Variants in DKK3 observed in about 807,000 individuals in gnomAD.
DKK3 encodes dickkopf-related protein 3.
DKK3 carries 22 observed loss-of-function variants against 33.2 expected under a neutral mutation model. The ratio of observed to expected loss-of-function variants is 0.66; its 90% CI spans 0.47 to 0.95. The LOEUF is 0.95. Ranked by LOEUF, DKK3 falls within the 40% of genes least tolerant of loss-of-function variation. DKK3 has a pLI of 0.00. For synonymous variants in DKK3, 194 were observed against 188.8 expected, an observed-to-expected ratio of 1.03 and a Z score of -0.23; for missense variants, 398 against 458.4, an observed-to-expected ratio of 0.87 and a Z score of 1.20.
chr11:11,987,361 T>C (rs12295349), intron 3 of DKK3, among the ~76,000 whole-genome samples: 44,672 of 152,124 alleles, frequency 0.29, 6,965 homozygotes, highest in African/African-American at 0.39. Flanking sequence ...AAAACTGAAC[T>C]GAACTGGAAA....
At chr11:12,001,027 G>A (rs1848415585) in intron 2 of DKK3, among the ~76,000 whole-genome samples, 1 of 152,176 alleles carries the variant, frequency 6.6e-6, no homozygotes, top group Non-Finnish European at 1.5e-5. Flanking sequence ...CAGTTAGTGA[G>A]AATCAGGACA....
intron 3 of DKK3, among the ~76,000 whole-genome samples, chr11:11,975,786 G>A (rs1254144199): frequency 6.6e-5 from 10 of 152,162 alleles, no homozygotes; most frequent in Non-Finnish European, 1.2e-4. Flanking sequence ...AGGCTCTGTC[G>A]CTGCACTTGC....
intron 6 of DKK3, 109 bp from the exon 7 acceptor site, chr11:11,964,795 C>T: frequency 6.6e-7 from 1 of 1,518,920 alleles, no homozygotes; most frequent in Admixed American, 2.0e-5. Flanking sequence ...CATGCCCCCT[C>T]CTCTCCTGTC....
intron 2 of DKK3, 73 bp downstream of exon 2, chr11:12,002,226 CA>C: frequency 6.8e-7 from 1 of 1,480,770 alleles, no homozygotes; most frequent in Non-Finnish European, 9.0e-7. Flanking sequence ...TATGAAAAAA[CA>C]AAAACAAAAA....
chr11:11,970,974 T>C (rs1167194116), intron 3 of DKK3, among the ~76,000 whole-genome samples: 1 of 152,148 alleles, frequency 6.6e-6, no homozygotes, highest in Non-Finnish European at 1.5e-5. Context: ...AAATATTCAA[T>C]GTTAGTTTCA....
At chr11:12,000,495 C>A (rs1848402254) in intron 2 of DKK3, among the ~76,000 whole-genome samples, 1 of 149,484 alleles carries the variant, frequency 6.7e-6, no homozygotes, top group South Asian at 2.1e-4. Context: ...GCATAAGCCA[C>A]CGTGCCTGGC....
At position 11,964,422 on chromosome 11, in the gene DKK3, T is replaced by G; in HGVS notation, c.*42A>C. 1 of 1,593,092 alleles carries G rather than the reference T, an allele frequency of 6.3e-7. No individual in the cohort carries two copies. The highest frequency in any genetic ancestry group is 8.5e-7 in the Non-Finnish European group (1 of 1,173,450). ...AAAGCACACACCTGGGGAAATAAAT[T>G]AGCTATTTCTATTGCACATCTACCC... On this transcript the variant is annotated 3_prime_UTR_variant, in exon 7 of 7. Transcript: ENST00000683431.
chr11:12,000,581 C>A (rs1229753207), intron 2 of DKK3, among the ~76,000 whole-genome samples: 2 of 151,710 alleles, frequency 1.3e-5, no homozygotes, highest in Non-Finnish European at 2.9e-5. Context: ...TCTCAGCTCA[C>A]TGCAACCTCT....
intron 2 of DKK3, among the ~76,000 whole-genome samples, chr11:11,999,371 G>T (rs1055031439): frequency 3.3e-5 from 5 of 152,166 alleles, no homozygotes; most frequent in Non-Finnish European, 7.3e-5. Flanking sequence ...GGCTCTTCCT[G>T]CCCCATGAAA....
intron 2 of DKK3, among the ~76,000 whole-genome samples, chr11:12,000,738 C>T (rs1282396149): frequency 2.0e-5 from 3 of 150,834 alleles, no homozygotes; most frequent in Non-Finnish European, 4.4e-5. Flanking sequence ...AGGCTGGTCT[C>T]GAACTCCTAA....
chr11:11,970,026 G>A (rs1347543631), intron 3 of DKK3, among the ~76,000 whole-genome samples: 2 of 152,184 alleles, frequency 1.3e-5, no homozygotes, highest in South Asian at 2.1e-4. Context: ...AATCACAGAC[G>A]CGCTTTGTCT....
chr11:11,981,313 A>G (rs1847949791), intron 3 of DKK3, among the ~76,000 whole-genome samples: 1 of 152,164 alleles, frequency 6.6e-6, no homozygotes, highest in Admixed American at 6.5e-5. Flanking sequence ...AACAGCCAGG[A>G]GCTTGGGTGA....
chr11:11,975,929 A>T (rs1847823726), intron 3 of DKK3, among the ~76,000 whole-genome samples: 1 of 152,188 alleles, frequency 6.6e-6, no homozygotes, highest in Non-Finnish European at 1.5e-5. Flanking sequence ...TCTTGGCCTA[A>T]TTACTGAGTC....
chr11:11,967,238 G>T, intron 4 of DKK3, 140 bp from the exon 5 acceptor site: 1 of 1,100,884 alleles, frequency 9.1e-7, no homozygotes, highest in Non-Finnish European at 1.3e-6. Flanking sequence ...AGATTTCAGT[G>T]AAAGTCAGTG....
At chr11:11,976,150 A>T (rs1263624663) in intron 3 of DKK3, among the ~76,000 whole-genome samples, 1 of 152,118 alleles carries the variant, frequency 6.6e-6, no homozygotes, top group Admixed American at 6.5e-5. Flanking sequence ...TAATGAATAC[A>T]TTTCTACTGA....
rs769361435 is a variant in DKK3, at chr11:12,008,514, G to A, written c.69C>T (p.Pro23=). 6.3e-7 allele frequency: 1 copy of A among 1,581,264 alleles called. No homozygotes were observed. Among genetic ancestry groups the A allele is most frequent in the South Asian group, 1.1e-5 (1 of 88,652 alleles). ...CTGGAGCCGAGGTCGCCGTCGGAGCGGGCGCGGGGGCCGTGGGGACCGCCG... is the reference window on the plus strand; with the variant it reads ...CTGGAGCCGAGGTCGCCGTCGGAGCAGGCGCGGGGGCCGTGGGGACCGCCG... ...LAAAVPTAPA[P]APTATSAPVK... The change falls in exon 1 of 7, where the codon CCC becomes CCT. Residue 23 remains proline, a synonymous_variant. Transcript: ENST00000683431. This position sits in a 1 kb window ranked among gnomAD's most constrained non-coding sequence, Gnocchi z 4.6.
intron 3 of DKK3, chr11:11,980,031 C>G (rs1272331735): frequency 6.6e-6 from 1 of 152,306 alleles, no homozygotes; most frequent in Non-Finnish European, 1.5e-5. Context: ...AGAGGGAGGC[C>G]TGGAGCTCTG....
chr11:12,006,908 C>G (rs963946952), intron 1 of DKK3, among the ~76,000 whole-genome samples: 2 of 152,126 alleles, frequency 1.3e-5, no homozygotes, highest in Non-Finnish European at 2.9e-5. Flanking sequence ...GATGGCCTGC[C>G]CTAGAACCAG....
chr11:11,997,536 G>A (rs1848322881), intron 3 of DKK3, among the ~76,000 whole-genome samples: 1 of 152,210 alleles, frequency 6.6e-6, no homozygotes, highest in African/African-American at 2.4e-5. Flanking sequence ...GGCTGGGAGA[G>A]ATGATGGACA....
Sources: gnomAD v4.1 joint callset for allele counts (sites outside exome capture counted in the v4.1 genomes callset) on GRCh38, gnomAD v4.1.1 for gene constraint, Gnocchi (gnomAD v3.1) non-coding constraint, MANE v1.5 for transcripts, NCBI Gene and HGNC (gene_info 2026-07-23, HGNC 2026-07-21) for gene names.